RANBP2: variants seen among roughly 807,000 people sequenced by gnomAD.
RANBP2 encodes E3 SUMO-protein ligase RanBP2.
RANBP2 carries 57 observed loss-of-function variants against 303.6 expected under a neutral mutation model. The observed-to-expected ratio is 0.19, with a 90% CI of 0.15 to 0.23. The LOEUF is 0.23. RANBP2 is among the 10% of genes least tolerant of loss of function. RANBP2 has a pLI of 1.00. For missense variants in RANBP2, 3,138 were observed against 3,780.8 expected (o/e 0.83, Z 4.46); for synonymous variants, 1,167 against 1,301.5 (o/e 0.90, Z 2.23).
chr2:108,813,570 C>T, the RANBP2 span, among the ~76,000 whole-genome samples: 1 of 152,144 alleles, frequency 6.6e-6, no homozygotes, highest in African/African-American at 2.4e-5. Flanking sequence ...GACTACAACC[C>T]ATCCCTGAAT....
chr2:108,854,899 C>A, the RANBP2 span, among the ~76,000 whole-genome samples: 1 of 152,074 alleles, frequency 6.6e-6, no homozygotes, highest in African/African-American at 2.4e-5. Flanking sequence ...GCAGTTTCTG[C>A]AAAAGACTTT....
At chr2:109,047,686 T>A in the RANBP2 span, among the ~76,000 whole-genome samples, 1 of 152,168 alleles carries the variant, frequency 6.6e-6, no homozygotes, top group Non-Finnish European at 1.5e-5. Context: ...GGCAGGCACC[T>A]GTAATCCCAG....
chr2:109,449,279 G>A, the RANBP2 span: 93 of 1,610,522 alleles, frequency 5.8e-5, no homozygotes, highest in Admixed American at 4.2e-4. Context: ...GGCCCCACTC[G>A]GTGGTGTCCC....
At chr2:108,941,142 C>T in the RANBP2 span, among the ~76,000 whole-genome samples, 4 of 152,210 alleles carry the variant, frequency 2.6e-5, no homozygotes, top group Non-Finnish European at 5.9e-5. Flanking sequence ...ACCTGTGATG[C>T]GTCTGCGTTG....
the RANBP2 span, among the ~76,000 whole-genome samples, chr2:109,021,873 T>C: frequency 1.3e-5 from 2 of 152,134 alleles, no homozygotes; most frequent in Non-Finnish European, 2.9e-5. Context: ...GAAGAGAATC[T>C]GTGAGGCACG....
chr2:109,320,566 G>A, the RANBP2 span, among the ~76,000 whole-genome samples: 1 of 152,302 alleles, frequency 6.6e-6, no homozygotes. Context: ...AGAAGTTTAG[G>A]CCTCTCCCCA....
the RANBP2 span, among the ~76,000 whole-genome samples, chr2:108,922,039 G>T: frequency 6.6e-6 from 1 of 152,234 alleles, no homozygotes; most frequent in Non-Finnish European, 1.5e-5. Context: ...TTCCACATGT[G>T]ATAGACCTCA....
At chr2:109,652,992 G>C in the RANBP2 span, among the ~76,000 whole-genome samples, 25 of 152,054 alleles carry the variant, frequency 1.6e-4, no homozygotes, top group Non-Finnish European at 3.5e-4. Context: ...AATTGAAAGA[G>C]AAATAATTGC....
the RANBP2 span, among the ~76,000 whole-genome samples, chr2:109,309,803 G>T: frequency 0.36 from 39,187 of 109,390 alleles, 11,448 homozygotes; most frequent in East Asian, 0.87. Context: ...ATCCTAAATA[G>T]ATATGCACCC....
the RANBP2 span, among the ~76,000 whole-genome samples, chr2:109,727,325 G>C: frequency 1.3e-5 from 2 of 152,092 alleles, no homozygotes; most frequent in African/African-American, 4.8e-5. Context: ...CTTTTTGAAG[G>C]GATGCTCACC....
chr2:109,620,428 G>A, the RANBP2 span, among the ~76,000 whole-genome samples: 1 of 152,144 alleles, frequency 6.6e-6, no homozygotes, highest in Non-Finnish European at 1.5e-5. Context: ...TTTGCTGGGC[G>A]TGGTGGCTCA....
the RANBP2 span, among the ~76,000 whole-genome samples, chr2:109,598,680 T>C: frequency 1.3e-5 from 2 of 151,758 alleles, no homozygotes; most frequent in South Asian, 2.1e-4. Flanking sequence ...CCATCTCTAC[T>C]AAAAATACAA....
At chr2:109,717,309 C>T in the RANBP2 span, among the ~76,000 whole-genome samples, 2 of 147,314 alleles carry the variant, frequency 1.4e-5, no homozygotes, top group Admixed American at 6.8e-5. Flanking sequence ...CCACGGGGTG[C>T]GGTGGCTCAC....
At chr2:109,108,052 C>T in the RANBP2 span, among the ~76,000 whole-genome samples, 1 of 152,188 alleles carries the variant, frequency 6.6e-6, no homozygotes, top group East Asian at 1.9e-4. Context: ...ACTACAGGCG[C>T]CTGCCACCAC....
chr2:108,793,098 C>T, the RANBP2 span, among the ~76,000 whole-genome samples: 17 of 149,510 alleles, frequency 1.1e-4, no homozygotes, highest in Admixed American at 1.1e-3. Context: ...TGGCTCGTGC[C>T]TGTAATCCCA....
At chr2:109,557,487 T>G in the RANBP2 span, among the ~76,000 whole-genome samples, 1 of 152,236 alleles carries the variant, frequency 6.6e-6, no homozygotes, top group Non-Finnish European at 1.5e-5. Flanking sequence ...AAGCTGGGAT[T>G]TGAACCAGAT....
the RANBP2 span, among the ~76,000 whole-genome samples, chr2:109,290,295 A>G: frequency 2.0e-5 from 3 of 152,244 alleles, no homozygotes; most frequent in Non-Finnish European, 4.4e-5. Flanking sequence ...CTTTCTAGTA[A>G]TATAACACAT....
chr2:109,490,782 T>C, the RANBP2 span: 2 of 1,536,934 alleles, frequency 1.3e-6, no homozygotes, highest in Non-Finnish European at 1.7e-6. Flanking sequence ...GGCAGGGTCC[T>C]GCCCCATAGA....
chr2:109,387,571 C>T, the RANBP2 span, among the ~76,000 whole-genome samples: 86 of 152,212 alleles, frequency 5.7e-4, 2 homozygotes, highest in African/African-American at 2.0e-3. Flanking sequence ...CTCCCTCCCA[C>T]ATCTCCTCAA....
Sources: gnomAD v4.1 joint callset for allele counts (sites outside exome capture counted in the v4.1 genomes callset) on GRCh38, gnomAD v4.1.1 for gene constraint, MANE v1.5 for transcripts, NCBI Gene and HGNC (gene_info 2026-07-23, HGNC 2026-07-21) for gene names.